Variants in MME observed in about 807,000 individuals in gnomAD.
MME encodes membrane metalloendopeptidase, also known as neprilysin.
Under a neutral mutation model 113.2 loss-of-function variants are expected in MME, and 98 were observed. The ratio of observed to expected loss-of-function variants is 0.87; its 90% CI spans 0.74 to 1.02. The LOEUF (loss-of-function observed/expected upper bound fraction) is 1.02, where lower values mean the gene tolerates loss of function less well. Among genes scored for constraint, MME ranks in the 50% least tolerant of loss-of-function variants. The pLI is 0.00. For synonymous variants in MME, 292 were observed against 300.6 expected (o/e 0.97, Z 0.30); for missense variants, 836 against 896.0 (o/e 0.93, Z 0.86).
chr3:155,148,438 C>G, intron 15 of MME, 112 bp from the exon 16 acceptor site: 1 of 711,538 alleles, frequency 1.4e-6, no homozygotes. Context: ...TTTTTTAATG[C>G]TCTCTTTTAA....
At chr3:155,077,614 G>A (rs148299075), upstream of MME, among the ~76,000 whole-genome samples, 261 of 152,236 alleles carry the variant, frequency 1.7e-3, no homozygotes, top group African/African-American at 6.0e-3. Flanking sequence ...TAAGGGAGAT[G>A]TGGGTAGTCC....
At chr3:155,031,996 A>C (rs1482111032) in intron 1 of MME, among the ~76,000 whole-genome samples, 1 of 152,180 alleles carries the variant, frequency 6.6e-6, no homozygotes, top group Non-Finnish European at 1.5e-5. Context: ...CAGATAAACT[A>C]ATGTAGCTAT....
chr3:155,134,643 G>C (rs1258461394), intron 8 of MME, among the ~76,000 whole-genome samples: 3 of 151,946 alleles, frequency 2.0e-5, no homozygotes, highest in Non-Finnish European at 4.4e-5. Context: ...TTTTCTTTTG[G>C]GTATATATCC....
intron 1 of MME, among the ~76,000 whole-genome samples, chr3:155,031,818 C>T (rs975852479): frequency 3.4e-4 from 52 of 152,274 alleles, no homozygotes; most frequent in Admixed American, 1.6e-3. Context: ...CCACCACACC[C>T]GGCTACTTTT....
At chr3:155,107,397 A>G (rs929767554) in intron 3 of MME, among the ~76,000 whole-genome samples, 22 of 151,934 alleles carry the variant, frequency 1.4e-4, no homozygotes, top group African/African-American at 5.3e-4. Flanking sequence ...GAATTTTGTC[A>G]TGGCACTGGG....
upstream of MME, among the ~76,000 whole-genome samples, chr3:155,075,854 A>C (rs1385328533): frequency 1.3e-5 from 2 of 152,182 alleles, no homozygotes; most frequent in African/African-American, 4.8e-5. Flanking sequence ...AATTCTAATT[A>C]AACTCTCCCA....
chr3:155,133,036 G>A (rs1409840661), intron 8 of MME, among the ~76,000 whole-genome samples: 5 of 34,820 alleles, frequency 1.4e-4, no homozygotes, highest in East Asian at 5.9e-4. Context: ...AGCAAACCCC[G>A]TCTAAAAAAA....
At chr3:155,125,858 T>A (rs1017310173) in intron 8 of MME, among the ~76,000 whole-genome samples, 2 of 152,124 alleles carry the variant, frequency 1.3e-5, no homozygotes, top group African/African-American at 4.8e-5. Flanking sequence ...CTACAAAGGT[T>A]TGTCTTATAA....
chr3:155,035,502 TAAAGC>T (rs1229806072), intron 1 of MME, among the ~76,000 whole-genome samples: 4 of 152,104 alleles, frequency 2.6e-5, no homozygotes, highest in Non-Finnish European at 5.9e-5. Flanking sequence ...AGAATTTTTT[TAAAGC>T]AAAGAAAGTG....
chr3:155,124,730 C>T (rs1486243938), intron 8 of MME, among the ~76,000 whole-genome samples: 8 of 151,396 alleles, frequency 5.3e-5, no homozygotes, highest in East Asian at 2.0e-4. Context: ...TTAGGCTGCT[C>T]GGGGGTCAGG....
At chr3:155,101,098 C>G (rs1717166771) in intron 3 of MME, among the ~76,000 whole-genome samples, 1 of 152,086 alleles carries the variant, frequency 6.6e-6, no homozygotes, top group African/African-American at 2.4e-5. Flanking sequence ...CCACTCTCTT[C>G]CTCCCGTTCT....
chr3:155,029,189 G>A (rs1380373445), intron 1 of MME, among the ~76,000 whole-genome samples: 1 of 152,070 alleles, frequency 6.6e-6, no homozygotes, highest in African/African-American at 2.4e-5. Context: ...ACACAAAAAG[G>A]AGGAAACCAA....
intron 1 of MME, among the ~76,000 whole-genome samples, chr3:155,037,934 G>A (rs193037800): frequency 7.2e-5 from 11 of 152,278 alleles, no homozygotes; most frequent in Non-Finnish European, 1.3e-4. Flanking sequence ...AGCTGCGTGT[G>A]TGTTGGGGAA....
chr3:155,053,178 G>A (rs758775165), intron 1 of MME, among the ~76,000 whole-genome samples: 12 of 152,082 alleles, frequency 7.9e-5, no homozygotes, highest in African/African-American at 1.7e-4. Flanking sequence ...CCCACCAAAC[G>A]GTTCCAGTCT....
At chr3:155,155,126 T>A (rs1310939276) in intron 16 of MME, among the ~76,000 whole-genome samples, 1 of 152,202 alleles carries the variant, frequency 6.6e-6, no homozygotes, top group African/African-American at 2.4e-5. Context: ...AGATTTCTGC[T>A]TTTTAGTCAG....
chr3:155,120,631 T>C (rs1719046361), intron 8 of MME, among the ~76,000 whole-genome samples: 1 of 37,638 alleles, frequency 2.7e-5, no homozygotes, highest in African/African-American at 8.0e-5. Context: ...GCTTCCTACA[T>C]ATGGCTAGCC....
chr3:155,035,125 A>T (rs1713088396), intron 1 of MME, among the ~76,000 whole-genome samples: 1 of 152,068 alleles, frequency 6.6e-6, no homozygotes, highest in African/African-American at 2.4e-5. Flanking sequence ...TTCATACCAA[A>T]AAGGGAGAAA....
In MME at chr3:155,118,749, G is replaced by A. The variant is rs1297718264; in HGVS notation, c.658G>A (p.Asp220Asn). Residue 220 changes from aspartate (D) to asparagine (N), a missense_variant, in exon 8 of 23, where the codon GAC becomes AAC. By Grantham distance (23) the Asp-to-Asn change is conservative. Coordinates refer to ENST00000360490, the MANE Select transcript of MME (RefSeq NM_007289.4). Reference protein sequence around the residue: ...KNSVNHVIHIDQPRLGLPSRD... With the variant: ...KNSVNHVIHINQPRLGLPSRD... ...CTTTTATGTATATTTTTTATAGATT[G>A]ACCAACCTCGACTTGGCCTCCCTTC... 3 of 1,587,854 alleles carry A rather than the reference G, an allele frequency of 1.9e-6. No individual in the cohort carries two copies. In the African/African-American group the frequency reaches 4.0e-5, roughly 21 times the overall value.
intron 16 of MME, among the ~76,000 whole-genome samples, chr3:155,150,269 C>T (rs947176998): frequency 5.9e-5 from 9 of 152,100 alleles, no homozygotes; most frequent in South Asian, 4.2e-4. Context: ...TTGAGGTTAA[C>T]GTAGTGCCAG....
Sources: gnomAD v4.1 joint callset for allele counts (sites outside exome capture counted in the v4.1 genomes callset) on GRCh38, gnomAD v4.1.1 for gene constraint, MANE v1.5 for transcripts, NCBI Gene and HGNC (gene_info 2026-07-23, HGNC 2026-07-21) for gene names.